The following ANKS1B variants were observed in gnomAD, a reference collection of about 807,000 sequenced individuals.
ANKS1B encodes ankyrin repeat and sterile alpha motif domain containing 1B, also known as ankyrin repeat and sterile alpha motif domain-containing protein 1B.
A neutral mutation model predicts 148.3 loss-of-function variants in ANKS1B; 36 were observed. The ratio of observed to expected loss-of-function variants is 0.24; its 90% CI spans 0.19 to 0.32. The LOEUF is 0.32. ANKS1B is among the 10% of genes least tolerant of loss of function. The pLI, the probability that ANKS1B is intolerant of heterozygous loss-of-function variation, is 1.00. For missense variants in ANKS1B, 1,157 were observed against 1,542.6 expected, an observed-to-expected ratio of 0.75 and a Z score of 4.19; for synonymous variants, 542 against 560.8, an observed-to-expected ratio of 0.97 and a Z score of 0.47.
intron 11 of ANKS1B, among the ~76,000 whole-genome samples, chr12:99,437,721 A>G (rs1183777934): frequency 1.3e-5 from 2 of 151,916 alleles, no homozygotes; most frequent in Non-Finnish European, 2.9e-5. Flanking sequence ...AATATTTAAC[A>G]ATTGAGTCCC....
At chr12:99,015,279 A>G (rs2099941759) in intron 17 of ANKS1B, among the ~76,000 whole-genome samples, 2 of 152,176 alleles carry the variant, frequency 1.3e-5, no homozygotes, top group Admixed American at 6.5e-5. Context: ...CAGGAACGGA[A>G]AAGCAAATAC....
Position 99,269,089 on chromosome 12 carries a change from C to T in ANKS1B, c.1757-22225G>A, listed in dbSNP as rs150366892. 1.1e-3 allele frequency among the ~76,000 whole-genome samples: 170 copies of T among 152,224 alleles called. 1 individual carries two copies. The highest frequency in any genetic ancestry group is 3.8e-3 in the African/African-American group (157 of 41,546). ...TCAGCTTCCCCTTGAAAACAAAATC[C>T]GGATATTTTTTATAAAAATACATTC... On this transcript the variant is annotated intron_variant, in intron 12 of 26. Transcript: ENST00000683438.
intron 8 of ANKS1B, among the ~76,000 whole-genome samples, chr12:99,721,797 C>T (rs561412308): frequency 6.6e-6 from 1 of 152,242 alleles, no homozygotes; most frequent in East Asian, 1.9e-4. Flanking sequence ...CCTCATGTGC[C>T]AAACAGTTAG....
chr12:98,901,662 G>A (rs2099772271), intron 17 of ANKS1B, among the ~76,000 whole-genome samples: 1 of 152,184 alleles, frequency 6.6e-6, no homozygotes, highest in Non-Finnish European at 1.5e-5. Flanking sequence ...TATGTTAATA[G>A]AGGGCACAAA....
intron 9 of ANKS1B, among the ~76,000 whole-genome samples, chr12:99,612,992 T>C (rs1448340271): frequency 1.3e-5 from 2 of 152,118 alleles, no homozygotes; most frequent in Non-Finnish European, 2.9e-5. Flanking sequence ...CCAATGGGAA[T>C]GCCCTTGGGA....
intron 10 of ANKS1B, among the ~76,000 whole-genome samples, chr12:99,463,342 A>G (rs1478478413): frequency 6.6e-6 from 1 of 152,220 alleles, no homozygotes; most frequent in Non-Finnish European, 1.5e-5. Context: ...GATCCGGTCT[A>G]CAGCTCCCAG....
intron 26 of ANKS1B, 33 bp from the exon 27 acceptor site, chr12:98,745,882 G>A (rs757860792): frequency 7.5e-6 from 12 of 1,589,482 alleles, no homozygotes; most frequent in Admixed American, 3.5e-5. Context: ...CCTGTTATAC[G>A]GTCGCCGCGC....
chr12:99,351,747 T>C (rs2091446039), intron 12 of ANKS1B, among the ~76,000 whole-genome samples: 1 of 152,064 alleles, frequency 6.6e-6, no homozygotes. Context: ...AAAGTCCTCA[T>C]GCCTCAATTA....
At chr12:99,461,979 A>G (rs959734861) in intron 10 of ANKS1B, among the ~76,000 whole-genome samples, 1 of 152,104 alleles carries the variant, frequency 6.6e-6, no homozygotes, top group Non-Finnish European at 1.5e-5. Flanking sequence ...GTTTCATCCA[A>G]CCTATCAGTC....
intron 12 of ANKS1B, among the ~76,000 whole-genome samples, chr12:99,356,093 T>A (rs922238783): frequency 6.6e-6 from 1 of 152,110 alleles, no homozygotes; most frequent in Non-Finnish European, 1.5e-5. Context: ...TAAAGGGTAC[T>A]CTTAAAATAT....
chr12:99,530,933 C>T (rs1014647103), intron 9 of ANKS1B, among the ~76,000 whole-genome samples: 3 of 152,104 alleles, frequency 2.0e-5, no homozygotes, highest in Admixed American at 6.5e-5. Context: ...TAATACAAAC[C>T]CTCTCTTCCC....
chr12:99,788,193 G>C (rs2065205616), intron 4 of ANKS1B, among the ~76,000 whole-genome samples: 1 of 152,196 alleles, frequency 6.6e-6, no homozygotes, highest in African/African-American at 2.4e-5. Context: ...CTCAGGCAGT[G>C]CAAGTGCAAT....
intron 17 of ANKS1B, among the ~76,000 whole-genome samples, chr12:98,842,326 A>G (rs1218975810): frequency 2.0e-5 from 3 of 152,210 alleles, no homozygotes; most frequent in African/African-American, 7.2e-5. Flanking sequence ...CTGCACACAC[A>G]AGATGATAGA....
chr12:99,693,555 T>C (rs2053445832), intron 8 of ANKS1B, among the ~76,000 whole-genome samples: 2 of 152,212 alleles, frequency 1.3e-5, no homozygotes, highest in African/African-American at 4.8e-5. Context: ...CAGCATACTA[T>C]TGCAATAAAA....
intron 8 of ANKS1B, among the ~76,000 whole-genome samples, chr12:99,732,609 G>C (rs1269498395): frequency 1.3e-5 from 2 of 152,078 alleles, no homozygotes; most frequent in Admixed American, 6.6e-5. Flanking sequence ...TTGGCCAAAG[G>C]GGCATGAGAG....
intron 17 of ANKS1B, among the ~76,000 whole-genome samples, chr12:99,027,811 C>T (rs770452635): frequency 2.0e-5 from 3 of 152,218 alleles, no homozygotes; most frequent in Non-Finnish European, 2.9e-5. Context: ...TAATACTCAT[C>T]CTGCCATCCT....
intron 17 of ANKS1B, among the ~76,000 whole-genome samples, chr12:98,865,134 C>T (rs1595801060): frequency 6.6e-6 from 1 of 152,300 alleles, no homozygotes; most frequent in African/African-American, 2.4e-5. Context: ...CCGCTCAGAA[C>T]ACCTTTTCAT....
chr12:99,290,623 C>T (rs536372273), intron 12 of ANKS1B, among the ~76,000 whole-genome samples: 70 of 151,474 alleles, frequency 4.6e-4, no homozygotes, highest in African/African-American at 1.7e-3. Flanking sequence ...TTAACATACA[C>T]AAATCAATTA....
intron 22 of ANKS1B, 129 bp from the exon 23 acceptor site, chr12:98,782,266 A>C (rs2098744675): frequency 2.6e-6 from 2 of 779,056 alleles, no homozygotes; most frequent in South Asian, 3.3e-5. Flanking sequence ...AAGATGCCAC[A>C]AAAGAACAGG....
Sources: allele counts gnomAD v4.1 joint callset (sites outside exome capture counted in the v4.1 genomes callset), GRCh38; gene constraint gnomAD v4.1.1; transcripts MANE v1.5; gene names NCBI Gene and HGNC (gene_info 2026-07-23, HGNC 2026-07-21).